RRH: variants seen among roughly 807,000 people sequenced by gnomAD.
The protein encoded by RRH is visual pigment-like receptor peropsin.
In RRH, 36 loss-of-function variants were observed where a neutral mutation model predicts 33.1. That is an observed-to-expected ratio of 1.09 (90% confidence interval 0.83 to 1.44). The LOEUF (loss-of-function observed/expected upper bound fraction) is 1.44, where lower values mean the gene tolerates loss of function less well. RRH is among the 40% of genes most tolerant of loss of function. The probability of loss-of-function intolerance (pLI) is 0.00; values close to 1 mark genes in which losing one functional copy is unlikely to be tolerated. For missense variants in RRH, 393 were observed against 420.2 expected (o/e 0.94, Z 0.57); for synonymous variants, 124 against 140.2 (o/e 0.88, Z 0.82).
At chr4:109,832,801 G>A (rs971327588) in intron 1 of RRH, among the ~76,000 whole-genome samples, 1 of 152,038 alleles carries the variant, frequency 6.6e-6, no homozygotes, top group African/African-American at 2.4e-5. Context: ...AAGAGGGCAT[G>A]GTCAGTCATA....
At chr4:109,833,446 CT>C in intron 2 of RRH, 117 bp downstream of exon 2, 1 of 809,330 alleles carries the variant, frequency 1.2e-6, no homozygotes. Context: ...AGATACAGTG[CT>C]TTTATGGAAA....
At chr4:109,837,922 C>T (rs567178026) in intron 5 of RRH, among the ~76,000 whole-genome samples, 13 of 152,210 alleles carry the variant, frequency 8.5e-5, no homozygotes, top group African/African-American at 3.1e-4. Context: ...ATTACAGGCA[C>T]CTGCTGCCAC....
At chr4:109,833,644 A>T (rs1733811149) in intron 2 of RRH, among the ~76,000 whole-genome samples, 1 of 152,184 alleles carries the variant, frequency 6.6e-6, no homozygotes, top group African/African-American at 2.4e-5. Context: ...AAAAAAAATA[A>T]CCTGCTTTCA....
intron 5 of RRH, among the ~76,000 whole-genome samples, chr4:109,841,789 C>T (rs924845931): frequency 1.3e-5 from 2 of 151,828 alleles, no homozygotes; most frequent in African/African-American, 4.8e-5. Flanking sequence ...ATTCTCTGTC[C>T]TTATGGTTTT....
intron 2 of RRH, among the ~76,000 whole-genome samples, chr4:109,834,488 C>G (rs1045187213): frequency 7.6e-6 from 1 of 131,840 alleles, no homozygotes; most frequent in African/African-American, 2.9e-5. Context: ...TGCCACCAAG[C>G]CTGGCTAATT....
At position 109,833,060 on chromosome 4, in the gene RRH, G is replaced by T. The variant is rs111953280; in HGVS notation, c.107-79G>T. 5.9e-5 allele frequency: 68 copies of T among 1,150,776 alleles called. No homozygotes were observed. In the African/African-American group the frequency reaches 9.6e-4, roughly 16 times the overall value. The allele number at this position is 1,150,776 out of a possible 1,614,324, so 71.3% of individuals were successfully genotyped here. ...ATAGATCTGTTATGTTTTTAAAGGG[G>T]CTTAAATATTTAATTTTGAGTCTAC... is the stretch of plus-strand genomic sequence containing the variant. On this transcript the variant is annotated intron_variant, in intron 1 of 6. Transcript: ENST00000317735.
At chr4:109,836,352 T>C (rs1733884820) in intron 4 of RRH, among the ~76,000 whole-genome samples, 192 bp downstream of exon 4, 1 of 152,220 alleles carries the variant, frequency 6.6e-6, no homozygotes, top group Non-Finnish European at 1.5e-5. Context: ...CAAGTAAAGG[T>C]CATCCAGCTC....
At chr4:109,837,374 C>G in intron 4 of RRH, 63 bp from the exon 5 acceptor site, 1 of 1,357,076 alleles carries the variant, frequency 7.4e-7, no homozygotes, top group Non-Finnish European at 1.1e-6. Context: ...ATTATCTCCT[C>G]TTTCTCCTTC....
intron 2 of RRH, among the ~76,000 whole-genome samples, chr4:109,834,502 T>TC (rs1733836869): frequency 8.3e-6 from 1 of 120,296 alleles, no homozygotes; most frequent in Admixed American, 8.2e-5. Flanking sequence ...GCTAATTTTT[T>TC]TTTTTGTATT....
chr4:109,842,747 A>G, intron 6 of RRH, 100 bp downstream of exon 6: 1 of 1,040,992 alleles, frequency 9.6e-7, no homozygotes, highest in Non-Finnish European at 1.5e-6. Flanking sequence ...ACTTCAATCT[A>G]GCATAAAGGT....
intron 5 of RRH, among the ~76,000 whole-genome samples, chr4:109,838,507 CT>C (rs35832755): frequency 0.75 from 112,894 of 150,152 alleles, 43,606 homozygotes; most frequent in Non-Finnish European, 0.86. Flanking sequence ...GCTTGTCTTC[CT>C]TTTTTTTTTT....
rs1387463917 is a variant in RRH, at chr4:109,836,091, T to G, written c.482T>G (p.Ile161Arg). The G allele has an allele frequency of 6.2e-7, 1 of 1,614,082 alleles. No homozygotes were observed. Among genetic ancestry groups the G allele is most frequent in the Non-Finnish European group, 8.5e-7 (1 of 1,180,020 alleles). The change falls in exon 4 of 7, where the codon ATA (isoleucine) becomes AGA (arginine). Residue 161 changes from isoleucine to arginine, a missense_variant. By Grantham distance (97) the Ile-to-Arg change is moderately conservative. Coordinates refer to ENST00000317735, the MANE Select transcript of RRH (RefSeq NM_006583.5). ...NGLFWALMPI[I>R]GWASYAPDPT... ...CTGTTTTGGGCTTTGATGCCTATCATAGGGTGGGCTAGTTATGCCCCAGAT... is the reference window on the plus strand; with the variant it reads ...CTGTTTTGGGCTTTGATGCCTATCAGAGGGTGGGCTAGTTATGCCCCAGAT...
chr4:109,842,587 C>T lies in RRH; in HGVS notation c.839C>T (p.Pro280Leu). The T allele has an allele frequency of 6.2e-7, 1 of 1,614,080 alleles. No homozygotes were observed. The highest frequency in any genetic ancestry group is 8.5e-7 in the Non-Finnish European group (1 of 1,179,976). Residue 280 changes from proline to leucine, a missense_variant, in exon 6 of 7, where the codon CCA becomes CTA. Coordinates refer to ENST00000317735, the MANE Select transcript of RRH (RefSeq NM_006583.5). ...KIPPPMAIIA[P>L]LFAKSSTFYN... ...CCTCCCCCCATGGCCATCATAGCTC[C>T]ACTGTTTGCAAAATCTTCTACATTC...
intron 5 of RRH, among the ~76,000 whole-genome samples, chr4:109,840,307 T>A (rs534533765): frequency 3.9e-4 from 60 of 152,278 alleles, no homozygotes; most frequent in African/African-American, 1.4e-3. Context: ...CACTTTTTAA[T>A]GGGGTTGCTT....
intron 5 of RRH, among the ~76,000 whole-genome samples, chr4:109,837,883 C>T (rs1733916595): frequency 1.3e-5 from 2 of 152,160 alleles, no homozygotes; most frequent in African/African-American, 4.8e-5. Context: ...TCAAGTGATT[C>T]TCCTGCCTCA....
Position 109,837,101 on chromosome 4 carries a change from G to A in RRH, c.552-336G>A, listed in dbSNP as rs188602045. Among the ~76,000 whole-genome samples the A allele has an allele frequency of 2.3e-3, 350 of 152,032 alleles. 2 individuals carry two copies. The highest frequency in any genetic ancestry group is 8.1e-3 in the African/African-American group (336 of 41,446). ...GATTATGTCTTGAAAAGAATTAAAAGTAAATAATTTAGGCTTTATAGCCCA... is the reference window on the plus strand; with the variant it reads ...GATTATGTCTTGAAAAGAATTAAAAATAAATAATTTAGGCTTTATAGCCCA... On this transcript the variant is annotated intron_variant, in intron 4 of 6. Transcript: ENST00000317735.
At chr4:109,832,161 C>T (rs1390647913) in intron 1 of RRH, among the ~76,000 whole-genome samples, 1 of 147,052 alleles carries the variant, frequency 6.8e-6, no homozygotes, top group East Asian at 2.0e-4. Flanking sequence ...CTACTCACAC[C>T]CCACCCCCTC....
chr4:109,837,285 C>T (rs1357083700), intron 4 of RRH, 152 bp from the exon 5 acceptor site: 2 of 729,382 alleles, frequency 2.7e-6, no homozygotes, highest in Non-Finnish European at 2.3e-6. Context: ...TTGCCAATTC[C>T]GGGCCTAAAT....
chr4:109,828,166 G>T (rs1293272158), intron 1 of RRH, 33 bp downstream of exon 1: 1 of 1,438,140 alleles, frequency 7.0e-7, no homozygotes, highest in South Asian at 1.1e-5. Context: ...TTTTTCTTTA[G>T]AATGGGTGAA....
Sources: allele counts gnomAD v4.1 joint callset (sites outside exome capture counted in the v4.1 genomes callset), GRCh38; gene constraint gnomAD v4.1.1; transcripts MANE v1.5; gene names NCBI Gene and HGNC (gene_info 2026-07-23, HGNC 2026-07-21).